SLC14A2: variants seen among roughly 807,000 people sequenced by gnomAD.
The protein encoded by SLC14A2 is urea transporter 2.
In SLC14A2, 91 loss-of-function variants were observed where a neutral mutation model predicts 104.6. That is an observed-to-expected ratio of 0.87 (90% CI 0.73 to 1.04). SLC14A2 has a LOEUF of 1.04. SLC14A2 is among the 50% of genes least tolerant of loss of function. The probability of loss-of-function intolerance (pLI) is 0.00; values close to 1 mark genes in which losing one functional copy is unlikely to be tolerated. For missense variants in SLC14A2, 1,189 were observed against 1,156.0 expected, an observed-to-expected ratio of 1.03 and a Z score of -0.41; for synonymous variants, 476 against 466.4, an observed-to-expected ratio of 1.02 and a Z score of -0.27.
intron 2 of SLC14A2, among the ~76,000 whole-genome samples, chr18:45,598,538 T>C: frequency 6.6e-6 from 1 of 152,232 alleles, no homozygotes; most frequent in Non-Finnish European, 1.5e-5. Context: ...TGTGTTGGTA[T>C]TGAGATAAAT....
chr18:45,550,416 G>A (rs1371851846), intron 2 of SLC14A2, among the ~76,000 whole-genome samples: 1 of 152,144 alleles, frequency 6.6e-6, no homozygotes, highest in Non-Finnish European at 1.5e-5. Context: ...ATCCCATATT[G>A]AGTTAATTGC....
chr18:45,437,099 C>T (rs1016296505), intron 1 of SLC14A2, among the ~76,000 whole-genome samples: 9 of 152,210 alleles, frequency 5.9e-5, no homozygotes, highest in Non-Finnish European at 8.8e-5. Context: ...TAGATGTACG[C>T]GCTAATGGAC....
At chr18:45,215,577 A>G (rs7230521) in intron 1 of SLC14A2, among the ~76,000 whole-genome samples, 17,802 of 152,282 alleles carry the variant, frequency 0.12, 1,079 homozygotes, top group Non-Finnish European at 0.12. Flanking sequence ...TTAGTCCCCC[A>G]AGGGAAATAT....
intron 2 of SLC14A2, among the ~76,000 whole-genome samples, chr18:45,592,109 A>C (rs1416477033): frequency 6.6e-6 from 1 of 152,198 alleles, no homozygotes; most frequent in Non-Finnish European, 1.5e-5. Context: ...CCTCCCTTCC[A>C]TCCTGGGGGA....
intron 1 of SLC14A2, among the ~76,000 whole-genome samples, chr18:45,312,894 C>A (rs549741584): frequency 6.6e-6 from 1 of 152,326 alleles, no homozygotes; most frequent in East Asian, 1.9e-4. Context: ...TATGTGCTGA[C>A]TGCAGGTGCA....
intron 1 of SLC14A2, among the ~76,000 whole-genome samples, chr18:45,462,381 G>T (rs1009804204): frequency 6.6e-6 from 1 of 152,146 alleles, no homozygotes; most frequent in Non-Finnish European, 1.5e-5. Flanking sequence ...CTTGCATTCC[G>T]AGCAGGCAAG....
intron 1 of SLC14A2, among the ~76,000 whole-genome samples, chr18:45,361,801 A>AT (rs144040733): frequency 0.38 from 56,738 of 150,894 alleles, 11,376 homozygotes; most frequent in African/African-American, 0.52. Context: ...TCTTGCAGTA[A>AT]TTTTTTTTTT....
intron 1 of SLC14A2, among the ~76,000 whole-genome samples, chr18:45,427,066 G>A (rs1406117155): frequency 6.6e-6 from 1 of 152,018 alleles, no homozygotes; most frequent in Non-Finnish European, 1.5e-5. Context: ...AGTTAACAGT[G>A]ACCCAGTCAT....
chr18:45,318,401 G>T lies in SLC14A2; in HGVS notation c.-125+105210G>T, dbSNP rs77238219. 2.9e-3 allele frequency among the ~76,000 whole-genome samples: 442 copies of T among 152,300 alleles called. 1 individual carries two copies. Among genetic ancestry groups the T allele is most frequent in the Middle Eastern group, 0.017 (5 of 294 alleles). ...GAACAAGCTTCTGCTGAGAGGAAGG[G>T]CCACAGGCTCAGGGCAGCTGACAAC... On this transcript the variant is annotated intron_variant, in intron 1 of 20. Transcript: ENST00000586448.
rs117675588 is a variant in SLC14A2, at chr18:45,558,174, G to A, written c.-34-66457G>A. On this transcript the variant is annotated intron_variant, in intron 2 of 20. Coordinates refer to the SLC14A2 transcript ENST00000586448. ...CCTAACACCCTTGGCTCTTGATTTG[G>A]TACCTTTCTCTCTCCTTTGTCCTTC... is the stretch of plus-strand genomic sequence containing the variant. Among the ~76,000 whole-genome samples, 8 of 152,018 alleles carry A rather than the reference G, an allele frequency of 5.3e-5. No individual in the cohort carries two copies. The East Asian group carries it at 1.5e-3, about 29-fold the overall frequency.
At chr18:45,232,795 T>C (rs1224124673) in intron 1 of SLC14A2, among the ~76,000 whole-genome samples, 1 of 152,212 alleles carries the variant, frequency 6.6e-6, no homozygotes, top group Non-Finnish European at 1.5e-5. Flanking sequence ...TCATGGGAGA[T>C]GCTATTAAGC....
chr18:45,312,379 A>G (rs1330486414), intron 1 of SLC14A2, among the ~76,000 whole-genome samples: 2 of 138,552 alleles, frequency 1.4e-5, no homozygotes, highest in African/African-American at 6.1e-5. Context: ...CTACCTTCAG[A>G]CTAGAAAAAA....
chr18:45,533,763 C>T (rs1454448334), intron 2 of SLC14A2, among the ~76,000 whole-genome samples: 1 of 152,060 alleles, frequency 6.6e-6, no homozygotes, highest in Non-Finnish European at 1.5e-5. Context: ...TTTGCTCTTG[C>T]TTCTCTAGTT....
chr18:45,277,601 G>T (rs1306291544), intron 1 of SLC14A2, among the ~76,000 whole-genome samples: 1 of 152,010 alleles, frequency 6.6e-6, no homozygotes, highest in African/African-American at 2.4e-5. Context: ...TAGAGACAGG[G>T]TCTTGCCATG....
intron 1 of SLC14A2, among the ~76,000 whole-genome samples, chr18:45,465,474 A>T (rs1196449209): frequency 6.6e-6 from 1 of 152,190 alleles, no homozygotes; most frequent in Non-Finnish European, 1.5e-5. Flanking sequence ...CCAGTAGTCC[A>T]TGATGGAGGT....
chr18:45,460,391 G>A (rs929608455), intron 1 of SLC14A2, among the ~76,000 whole-genome samples: 1 of 152,112 alleles, frequency 6.6e-6, no homozygotes, highest in Admixed American at 6.5e-5. Flanking sequence ...GTACACACTA[G>A]GGCTGCCCAG....
intron 2 of SLC14A2, among the ~76,000 whole-genome samples, chr18:45,533,613 T>C (rs536568845): frequency 1.2e-4 from 19 of 152,308 alleles, no homozygotes; most frequent in African/African-American, 4.3e-4. Flanking sequence ...GTCTTGCTAG[T>C]GGTCTATCAA....
intron 1 of SLC14A2, among the ~76,000 whole-genome samples, chr18:45,237,364 G>T (rs2084265799): frequency 6.6e-6 from 1 of 152,164 alleles, no homozygotes; most frequent in Non-Finnish European, 1.5e-5. Context: ...AAGATGAGGT[G>T]AGATATAGAT....
chr18:45,336,429 G>T (rs1160484340), intron 1 of SLC14A2, among the ~76,000 whole-genome samples: 1 of 152,068 alleles, frequency 6.6e-6, no homozygotes, highest in Admixed American at 6.5e-5. Flanking sequence ...GGCTGGGCCA[G>T]GTGATCTCGG....
Sources: allele counts gnomAD v4.1 joint callset (sites outside exome capture counted in the v4.1 genomes callset), GRCh38; gene constraint gnomAD v4.1.1; transcripts MANE v1.5; gene names NCBI Gene and HGNC (gene_info 2026-07-23, HGNC 2026-07-21).